The following CAST variants were observed in gnomAD, a reference collection of about 807,000 sequenced individuals.
CAST encodes MIR583 host.
CAST carries 76 observed loss-of-function variants against 119.6 expected under a neutral mutation model. That is an observed-to-expected ratio of 0.64 (90% CI 0.53 to 0.77). The LOEUF (loss-of-function observed/expected upper bound fraction) is 0.77. Ranked by LOEUF, CAST falls within the 30% of genes least tolerant of loss-of-function variation. The probability of loss-of-function intolerance (pLI) is 0.00; values close to 1 mark genes in which losing one functional copy is unlikely to be tolerated. For missense variants in CAST, 953 were observed against 946.5 expected (o/e 1.01, Z -0.09); for synonymous variants, 319 against 331.6 (o/e 0.96, Z 0.41).
the CAST span, among the ~76,000 whole-genome samples, chr5:96,333,715 G>A: frequency 6.6e-6 from 1 of 152,146 alleles, no homozygotes; most frequent in African/African-American, 2.4e-5. Context: ...TGGTGGGCGA[G>A]GGGTGTACTC....
the CAST span, among the ~76,000 whole-genome samples, chr5:96,038,888 G>A: frequency 6.6e-6 from 1 of 152,166 alleles, no homozygotes; most frequent in Non-Finnish European, 1.5e-5. Flanking sequence ...TATATGCCCA[G>A]TAATGAGATT....
chr5:96,178,519 GA>G, the CAST span, among the ~76,000 whole-genome samples: 1 of 150,846 alleles, frequency 6.6e-6, no homozygotes, highest in African/African-American at 2.4e-5. Context: ...TAGAATAGAA[GA>G]AAAAAAAAGA....
chr5:96,410,260 A>G, the CAST span, among the ~76,000 whole-genome samples: 3 of 152,098 alleles, frequency 2.0e-5, no homozygotes, highest in South Asian at 4.1e-4. Flanking sequence ...CTGCTTACCC[A>G]GATGCTGAGC....
the CAST span, among the ~76,000 whole-genome samples, chr5:96,138,632 T>A: frequency 6.6e-6 from 1 of 152,040 alleles, no homozygotes; most frequent in Admixed American, 6.5e-5. Flanking sequence ...ATTTAGATGG[T>A]TTTTATTTCT....
At chr5:95,995,415 T>C in the CAST span, among the ~76,000 whole-genome samples, 1 of 152,172 alleles carries the variant, frequency 6.6e-6, no homozygotes, top group African/African-American at 2.4e-5. Flanking sequence ...ATGTTTTGAT[T>C]TGAGCTGGTC....
At chr5:96,351,147 A>T in the CAST span, among the ~76,000 whole-genome samples, 2 of 152,156 alleles carry the variant, frequency 1.3e-5, no homozygotes, top group African/African-American at 4.8e-5. Flanking sequence ...GTGAACAGGA[A>T]TTTCTTCTAT....
chr5:96,561,239 T>C (rs1414134689), intron 1 of CAST, among the ~76,000 whole-genome samples: 1 of 145,870 alleles, frequency 6.9e-6, no homozygotes, highest in Non-Finnish European at 1.5e-5. Flanking sequence ...CATTAGGAGA[T>C]ATACCTAATA....
the CAST span, among the ~76,000 whole-genome samples, chr5:96,394,468 C>T: frequency 9.2e-5 from 14 of 152,120 alleles, no homozygotes; most frequent in African/African-American, 1.9e-4. Context: ...AATGGATACA[C>T]GAATGTCTAT....
chr5:96,279,914 C>T, the CAST span, among the ~76,000 whole-genome samples: 1,613 of 152,314 alleles, frequency 0.011, 27 homozygotes, highest in African/African-American at 0.036. Flanking sequence ...GCCCCACTAA[C>T]ATTCAGAATC....
chr5:96,653,470 C>T (rs1748120000), intron 1 of CAST, among the ~76,000 whole-genome samples: 1 of 152,232 alleles, frequency 6.6e-6, no homozygotes, highest in Non-Finnish European at 1.5e-5. Flanking sequence ...TGGAATCTGG[C>T]TCTGCCACCT....
the CAST span, among the ~76,000 whole-genome samples, chr5:96,413,423 T>G: frequency 3.3e-5 from 5 of 152,212 alleles, no homozygotes; most frequent in African/African-American, 1.2e-4. Context: ...ATTTTCACAC[T>G]TATTTACTAT....
chr5:96,507,391 C>A, the CAST span, among the ~76,000 whole-genome samples: 4 of 152,278 alleles, frequency 2.6e-5, no homozygotes, highest in Admixed American at 2.0e-4. Flanking sequence ...ACCAGAGCAT[C>A]CAGTCGAATC....
chr5:96,257,097 T>C, the CAST span, among the ~76,000 whole-genome samples: 1 of 152,218 alleles, frequency 6.6e-6, no homozygotes, highest in Non-Finnish European at 1.5e-5. Context: ...GGAACACATC[T>C]GTAGCAATTG....
chr5:96,398,533 G>A, the CAST span, among the ~76,000 whole-genome samples: 1 of 152,182 alleles, frequency 6.6e-6, no homozygotes. Flanking sequence ...ATATCTGTGA[G>A]TTTGGTTAAT....
At chr5:96,719,335 A>AT (rs544327759) in intron 3 of CAST, among the ~76,000 whole-genome samples, 1 of 152,118 alleles carries the variant, frequency 6.6e-6, no homozygotes, top group African/African-American at 2.4e-5. Flanking sequence ...TAATTTTTAA[A>AT]TTTTTTGTAG....
chr5:96,446,043 C>A, the CAST span, among the ~76,000 whole-genome samples: 1 of 152,040 alleles, frequency 6.6e-6, no homozygotes, highest in Non-Finnish European at 1.5e-5. Context: ...GAGACGGAGT[C>A]TCCCTATGTT....
At chr5:96,110,243 TC>T in the CAST span, among the ~76,000 whole-genome samples, 1 of 152,206 alleles carries the variant, frequency 6.6e-6, no homozygotes, top group East Asian at 1.9e-4. Flanking sequence ...TCAGGTTTTT[TC>T]TCTTGTTTTA....
chr5:96,271,652 G>GA, the CAST span, among the ~76,000 whole-genome samples: 7,758 of 131,072 alleles, frequency 0.059, 553 homozygotes, highest in African/African-American at 0.18. Context: ...AAACCACTAG[G>GA]AAAAAAAAAA....
the CAST span, among the ~76,000 whole-genome samples, chr5:96,282,083 C>T: frequency 1.4e-5 from 2 of 138,112 alleles, no homozygotes; most frequent in African/African-American, 2.7e-5. Flanking sequence ...TGCTCACCCC[C>T]GTGGTGGTGA....
Sources: gnomAD v4.1 joint callset for allele counts (sites outside exome capture counted in the v4.1 genomes callset) on GRCh38, gnomAD v4.1.1 for gene constraint, MANE v1.5 for transcripts, NCBI Gene and HGNC (gene_info 2026-07-23, HGNC 2026-07-21) for gene names.